The following FAM117B variants were observed in gnomAD, a reference collection of about 807,000 sequenced individuals.
FAM117B encodes the protein family with sequence similarity 117 member B.
FAM117B carries 22 observed loss-of-function variants against 52.8 expected under a neutral mutation model. The observed-to-expected ratio is 0.42, with a 90% CI of 0.30 to 0.59. FAM117B has a LOEUF of 0.59. Ranked by LOEUF, FAM117B falls within the 20% of genes least tolerant of loss-of-function variation. FAM117B has a pLI of 0.22. For synonymous variants in FAM117B, 309 were observed against 324.1 expected, an observed-to-expected ratio of 0.95 and a Z score of 0.50; for missense variants, 678 against 802.6, an observed-to-expected ratio of 0.84 and a Z score of 1.88.
rs1464772771 is a variant in FAM117B at position 202,767,353 on chromosome 2, T to C, written c.*1589T>C. ...TTTTGTATTTTTAGTATATATGGGGTTTCACCATGTTGGTCAGGCTGTTCT... is the reference window on the plus strand; with the variant it reads ...TTTTGTATTTTTAGTATATATGGGGCTTCACCATGTTGGTCAGGCTGTTCT... On this transcript the variant is annotated 3_prime_UTR_variant, in exon 8 of 8. Coordinates refer to ENST00000392238, the MANE Select transcript of FAM117B (RefSeq NM_173511.4). 6.6e-6 allele frequency: 1 copy of C among 152,108 alleles called. No individual in the cohort carries two copies. The highest frequency in any genetic ancestry group is 1.5e-5 in the Non-Finnish European group (1 of 68,030). 9.4% of individuals were successfully genotyped at this position (152,108 alleles called of 1,614,324 possible).
At chr2:202,672,896 C>T (rs1690320092) in intron 1 of FAM117B, among the ~76,000 whole-genome samples, 1 of 151,974 alleles carries the variant, frequency 6.6e-6, no homozygotes, top group South Asian at 2.1e-4. Context: ...AAAAATTAGC[C>T]AGGCGAGCTG....
chr2:202,744,475 G>A (rs762212255), intron 4 of FAM117B, among the ~76,000 whole-genome samples: 19 of 152,030 alleles, frequency 1.2e-4, no homozygotes, highest in Non-Finnish European at 4.4e-5. Context: ...TTCCCGTTAC[G>A]CCCCACCTTC....
At chr2:202,667,415 T>C (rs1280029154) in intron 1 of FAM117B, among the ~76,000 whole-genome samples, 1 of 152,146 alleles carries the variant, frequency 6.6e-6, no homozygotes, top group Non-Finnish European at 1.5e-5. Flanking sequence ...TATTTCTTTT[T>C]GAGGCAGCTT....
At chr2:202,762,235 C>A (rs1474458559) in intron 7 of FAM117B, among the ~76,000 whole-genome samples, 1 of 152,108 alleles carries the variant, frequency 6.6e-6, no homozygotes, top group East Asian at 1.9e-4. Flanking sequence ...CTGACCTGAA[C>A]TGGGGGGTCG....
Position 202,692,811 on chromosome 2 carries a change from T to C in FAM117B, c.602-3070T>C, listed in dbSNP as rs547350215. ...TGAGAGGGCCATATGAGGTCTTTGC[T>C]GTGTGTACTTAATTCTGCCTTTTTT... On this transcript the variant is annotated intron_variant, in intron 1 of 7. Coordinates refer to ENST00000392238, the MANE Select transcript of FAM117B (RefSeq NM_173511.4). Among the ~76,000 whole-genome samples the C allele has an allele frequency of 4.6e-5, 7 of 152,330 alleles. No individual in the cohort carries two copies. The South Asian group carries it at 1.5e-3, about 32-fold the overall frequency.
intron 1 of FAM117B, among the ~76,000 whole-genome samples, chr2:202,642,609 T>C (rs1009528477): frequency 2.0e-5 from 3 of 152,126 alleles, no homozygotes; most frequent in African/African-American, 7.2e-5. Context: ...TGGATGTATT[T>C]GGTTTGTGCT....
intron 1 of FAM117B, among the ~76,000 whole-genome samples, chr2:202,662,468 T>C (rs1056321465): frequency 2.0e-5 from 3 of 152,106 alleles, no homozygotes; most frequent in African/African-American, 7.2e-5. Context: ...TAGTGTTCTG[T>C]TGCACAGTAG....
intron 1 of FAM117B, among the ~76,000 whole-genome samples, chr2:202,683,094 G>T (rs1690487467): frequency 6.6e-6 from 1 of 152,158 alleles, no homozygotes; most frequent in South Asian, 2.1e-4. Context: ...TTGGGAGGCC[G>T]AGGCGGGCAG....
chr2:202,719,490 T>G (rs1056052319), intron 2 of FAM117B, among the ~76,000 whole-genome samples: 3 of 152,198 alleles, frequency 2.0e-5, no homozygotes, highest in Non-Finnish European at 4.4e-5. Context: ...ATTTGCCACA[T>G]TTTGCTTTAT....
intron 1 of FAM117B, among the ~76,000 whole-genome samples, chr2:202,668,194 ATTTATATATT>A (rs1370568028): frequency 6.9e-6 from 1 of 144,228 alleles, no homozygotes; most frequent in Non-Finnish European, 1.5e-5. Flanking sequence ...TATAATATAT[ATTTATATATT>A]TTTATATAAT....
At chr2:202,686,554 G>C (rs1451813911) in intron 1 of FAM117B, among the ~76,000 whole-genome samples, 1 of 152,224 alleles carries the variant, frequency 6.6e-6, no homozygotes, top group Admixed American at 6.5e-5. Context: ...GCTCATGCCT[G>C]TGATCCCAGC....
chr2:202,742,615 A>G (rs1691560843), intron 4 of FAM117B, among the ~76,000 whole-genome samples: 1 of 152,130 alleles, frequency 6.6e-6, no homozygotes, highest in African/African-American at 2.4e-5. Flanking sequence ...ATCTCAGCAG[A>G]AAAAAAAGAT....
chr2:202,767,956 A>G lies in FAM117B; in HGVS notation c.*2192A>G, dbSNP rs1692008424. ...CTACATTTTCTCACTGAGAGCCTTG[A>G]TATTTTGCCTTCTTTGTTATGCATT... On this transcript the variant is annotated 3_prime_UTR_variant, in exon 8 of 8. Transcript: ENST00000392238. 6.6e-6 allele frequency: 1 copy of G among 152,186 alleles called. No homozygotes were observed. Among genetic ancestry groups the G allele is most frequent in the Admixed American group, 6.5e-5 (1 of 15,274 alleles). 9.4% of individuals were successfully genotyped at this position (152,186 alleles called of 1,614,324 possible).
At chr2:202,693,592 T>C (rs1279624534) in intron 1 of FAM117B, among the ~76,000 whole-genome samples, 1 of 152,206 alleles carries the variant, frequency 6.6e-6, no homozygotes, top group East Asian at 1.9e-4. Flanking sequence ...CGAGACTGTA[T>C]GTCAAAAACA....
chr2:202,652,828 T>G (rs1689976711), intron 1 of FAM117B, among the ~76,000 whole-genome samples: 1 of 152,190 alleles, frequency 6.6e-6, no homozygotes, highest in Non-Finnish European at 1.5e-5. Context: ...ACCCACACCT[T>G]TGGACATTCT....
At chr2:202,704,999 A>G (rs151122406) in intron 2 of FAM117B, among the ~76,000 whole-genome samples, 166 of 152,150 alleles carry the variant, frequency 1.1e-3, no homozygotes, top group African/African-American at 3.7e-3. Flanking sequence ...AGAGAAAGAG[A>G]AATGCAGCAT....
intron 1 of FAM117B, among the ~76,000 whole-genome samples, chr2:202,667,823 A>G (rs1046959990): frequency 6.6e-6 from 1 of 152,084 alleles, no homozygotes; most frequent in South Asian, 2.1e-4. Context: ...GAGATAATTG[A>G]TAAGTAGTGA....
chr2:202,641,947 CTTT>C (rs758973320), intron 1 of FAM117B, among the ~76,000 whole-genome samples: 5 of 125,408 alleles, frequency 4.0e-5, no homozygotes, highest in East Asian at 2.4e-4. Flanking sequence ...CAGATATTTT[CTTT>C]TTTTTTTTTT....
chr2:202,711,647 A>G (rs1690959704), intron 2 of FAM117B, among the ~76,000 whole-genome samples: 2 of 152,120 alleles, frequency 1.3e-5, no homozygotes, highest in African/African-American at 2.4e-5. Context: ...AGTTTTCCCA[A>G]TGTTTTCTTG....
Sources: gnomAD v4.1 joint callset for allele counts (sites outside exome capture counted in the v4.1 genomes callset) on GRCh38, gnomAD v4.1.1 for gene constraint, MANE v1.5 for transcripts, NCBI Gene and HGNC (gene_info 2026-07-23, HGNC 2026-07-21) for gene names.